PARD3: variants seen among roughly 807,000 people sequenced by gnomAD.
PARD3 encodes the protein partitioning defective 3 homolog.
Under a neutral mutation model 155.4 loss-of-function variants are expected in PARD3, and 75 were observed. That is an observed-to-expected ratio of 0.48 (90% CI 0.40 to 0.58). PARD3 has a LOEUF of 0.58. Among genes scored for constraint, PARD3 ranks in the 20% least tolerant of loss-of-function variants. The probability of loss-of-function intolerance (pLI) is 0.00; values close to 1 mark genes in which losing one functional copy is unlikely to be tolerated. For synonymous variants in PARD3, 576 were observed against 610.5 expected, an observed-to-expected ratio of 0.94 and a Z score of 0.83; for missense variants, 1,642 against 1,721.7, an observed-to-expected ratio of 0.95 and a Z score of 0.82.
At chr10:34,258,051 C>T (rs532607481) in intron 22 of PARD3, among the ~76,000 whole-genome samples, 10 of 152,286 alleles carry the variant, frequency 6.6e-5, no homozygotes, top group African/African-American at 2.2e-4. Context: ...TCCTTTTAAA[C>T]TGATCCTATA....
At chr10:34,609,361 T>C (rs1336933553) in intron 2 of PARD3, among the ~76,000 whole-genome samples, 1 of 152,152 alleles carries the variant, frequency 6.6e-6, no homozygotes, top group African/African-American at 2.4e-5. Context: ...TGAGAAAGTC[T>C]GTAGGGCAGG....
intron 2 of PARD3, among the ~76,000 whole-genome samples, chr10:34,633,983 A>T (rs78937841): frequency 1.3e-5 from 2 of 152,128 alleles, no homozygotes; most frequent in African/African-American, 4.8e-5. Context: ...TTCCATACTC[A>T]ACTACATTGA....
intron 3 of PARD3, among the ~76,000 whole-genome samples, chr10:34,493,442 A>T (rs2133345669): frequency 1.3e-5 from 2 of 152,282 alleles, no homozygotes; most frequent in Middle Eastern, 6.8e-3. Context: ...ATTAAAAATT[A>T]TAATACAGGC....
At chr10:34,614,691 A>G (rs1365980979) in intron 2 of PARD3, among the ~76,000 whole-genome samples, 1 of 152,240 alleles carries the variant, frequency 6.6e-6, no homozygotes, top group East Asian at 1.9e-4. Flanking sequence ...TTCTAAATAA[A>G]AATTAAGTAC....
At chr10:34,727,371 G>A (rs1473302808) in intron 1 of PARD3, among the ~76,000 whole-genome samples, 1 of 152,170 alleles carries the variant, frequency 6.6e-6, no homozygotes, top group African/African-American at 2.4e-5. Context: ...TTCTCAGGCT[G>A]GCCATGACAG....
At chr10:34,460,261 T>C (rs1317837118) in intron 4 of PARD3, among the ~76,000 whole-genome samples, 3 of 152,176 alleles carry the variant, frequency 2.0e-5, no homozygotes, top group African/African-American at 4.8e-5. Flanking sequence ...GAAAATGTGA[T>C]TCAGGGAATT....
chr10:34,251,176 G>C (rs1004779449), intron 22 of PARD3, among the ~76,000 whole-genome samples: 2 of 152,208 alleles, frequency 1.3e-5, no homozygotes, highest in Non-Finnish European at 2.9e-5. Flanking sequence ...ACAGACATCA[G>C]TTGTATCATG....
At chr10:34,748,985 T>C (rs1835653916) in intron 1 of PARD3, among the ~76,000 whole-genome samples, 1 of 152,228 alleles carries the variant, frequency 6.6e-6, no homozygotes, top group Non-Finnish European at 1.5e-5. Flanking sequence ...TTGTAGCACC[T>C]GTCAGACCTG....
intron 1 of PARD3, among the ~76,000 whole-genome samples, chr10:34,734,429 G>T (rs1178945416): frequency 7.1e-6 from 1 of 140,972 alleles, no homozygotes. Flanking sequence ...TCCGCCTCCT[G>T]GGTTCACGCC....
At chr10:34,652,020 C>T (rs1273556300) in intron 2 of PARD3, among the ~76,000 whole-genome samples, 2 of 152,310 alleles carry the variant, frequency 1.3e-5, no homozygotes, top group African/African-American at 2.4e-5. Context: ...CTGACCCACA[C>T]GGCCAGCATT....
chr10:34,516,554 G>A (rs535963961), intron 3 of PARD3, among the ~76,000 whole-genome samples: 30 of 152,124 alleles, frequency 2.0e-4, no homozygotes, highest in Admixed American at 1.4e-3. Flanking sequence ...TTGACACGGC[G>A]GTCTCTTCTT....
chr10:34,350,600 T>G (rs891431530), intron 14 of PARD3, among the ~76,000 whole-genome samples: 13 of 118,742 alleles, frequency 1.1e-4, no homozygotes, highest in African/African-American at 1.7e-4. Flanking sequence ...GCCACTGCAC[T>G]CCAGCCTGGC....
chr10:34,161,303 G>T (rs1430883911), intron 22 of PARD3, among the ~76,000 whole-genome samples: 1 of 151,236 alleles, frequency 6.6e-6, no homozygotes, highest in African/African-American at 2.4e-5. Flanking sequence ...GGGAGAAGAG[G>T]GGAGTGGGGA....
At chr10:34,314,439 G>A (rs1260619348) in intron 20 of PARD3, among the ~76,000 whole-genome samples, 1 of 152,196 alleles carries the variant, frequency 6.6e-6, no homozygotes, top group African/African-American at 2.4e-5. Context: ...TCATATTCAA[G>A]GGGCAATATG....
At chr10:34,169,010 T>G (rs1949665706) in intron 22 of PARD3, among the ~76,000 whole-genome samples, 1 of 152,240 alleles carries the variant, frequency 6.6e-6, no homozygotes, top group Non-Finnish European at 1.5e-5. Context: ...TCTTCTCTGC[T>G]CTGCATCTTG....
intron 2 of PARD3, among the ~76,000 whole-genome samples, chr10:34,642,659 G>A (rs2132961126): frequency 6.6e-6 from 1 of 152,176 alleles, no homozygotes; most frequent in Middle Eastern, 3.4e-3. Flanking sequence ...TGGTACCCAT[G>A]ATAAACCCTG....
At chr10:34,479,160 ATTTT>A (rs571846177) in intron 3 of PARD3, among the ~76,000 whole-genome samples, 3 of 131,792 alleles carry the variant, frequency 2.3e-5, no homozygotes, top group African/African-American at 5.8e-5. Context: ...CTCAAATTTA[ATTTT>A]TTTTTTTTTT....
At chr10:34,511,409 A>G (rs1048685149) in intron 3 of PARD3, among the ~76,000 whole-genome samples, 3 of 152,182 alleles carry the variant, frequency 2.0e-5, no homozygotes, top group African/African-American at 7.2e-5. Context: ...TAATTTATAA[A>G]GAACAGAAAT....
At chr10:34,571,810 A>G (rs1217779614) in intron 2 of PARD3, among the ~76,000 whole-genome samples, 1 of 152,230 alleles carries the variant, frequency 6.6e-6, no homozygotes, top group Non-Finnish European at 1.5e-5. Context: ...GCAGGTATTA[A>G]TATCTGTACC....
Sources: gnomAD v4.1 joint callset for allele counts (sites outside exome capture counted in the v4.1 genomes callset) on GRCh38, gnomAD v4.1.1 for gene constraint, MANE v1.5 for transcripts, NCBI Gene and HGNC (gene_info 2026-07-23, HGNC 2026-07-21) for gene names.